Variants in SMIM31 observed in about 807,000 individuals in gnomAD.
The protein encoded by SMIM31 is small integral membrane protein 31.
At chr4:164,791,389 G>T (rs7681632) in intron 2 of SMIM31, among the ~76,000 whole-genome samples, 110,618 of 151,992 alleles carry the variant, frequency 0.73, 40,766 homozygotes, top group Non-Finnish European at 0.8. Flanking sequence ...CTGGACTGCA[G>T]TGGTGCGATC....
intron 2 of SMIM31, among the ~76,000 whole-genome samples, chr4:164,783,561 C>T (rs549358599): frequency 3.8e-4 from 52 of 138,032 alleles, no homozygotes; most frequent in African/African-American, 1.6e-3. Context: ...AATTTCCATT[C>T]CATTTCTAAA....
chr4:164,761,251 T>C (rs996456050), intron 1 of SMIM31, among the ~76,000 whole-genome samples: 1 of 152,188 alleles, frequency 6.6e-6, no homozygotes, highest in African/African-American at 2.4e-5. Flanking sequence ...CTTTCTACTA[T>C]GAAGAAGTAA....
rs768791503 is a variant in SMIM31 at position 164,801,525 on chromosome 4, C to T, written c.*331C>T. Reference sequence around the variant, plus strand: ...ATGTGTTACAATTTGGTAAGATAAACAAACAAACAAAAAATTTAATCACTT... The same window carrying T: ...ATGTGTTACAATTTGGTAAGATAAATAAACAAACAAAAAATTTAATCACTT... On this transcript the variant is annotated 3_prime_UTR_variant, in exon 3 of 3. Coordinates refer to ENST00000507311, the MANE Select transcript of SMIM31 (RefSeq NM_001352885.1). 54 of 182,018 alleles carry T rather than the reference C, an allele frequency of 3.0e-4. No homozygotes were observed. The highest frequency in any genetic ancestry group is 4.0e-4 in the South Asian group (2 of 5,062). 11.3% of individuals were successfully genotyped at this position (182,018 alleles called of 1,614,324 possible). A position where few individuals can be genotyped will look rare whatever the true frequency, so the allele number is the denominator to read the frequency against.
chr4:164,778,625 T>A (rs1212809830), intron 2 of SMIM31, among the ~76,000 whole-genome samples: 1 of 152,140 alleles, frequency 6.6e-6, no homozygotes, highest in Admixed American at 6.5e-5. Flanking sequence ...ATGACCACAT[T>A]GTAAAGCAGG....
intron 2 of SMIM31, among the ~76,000 whole-genome samples, chr4:164,785,820 GA>G (rs1373205812): frequency 3.4e-4 from 51 of 151,874 alleles, no homozygotes; most frequent in African/African-American, 1.2e-3. Context: ...GAATTTTTAA[GA>G]ATCAGTTTCT....
chr4:164,767,193 C>A (rs1285631678), intron 1 of SMIM31, among the ~76,000 whole-genome samples: 1 of 152,022 alleles, frequency 6.6e-6, no homozygotes, highest in Non-Finnish European at 1.5e-5. Context: ...TCATTCCCTT[C>A]GTGATGCTAA....
At chr4:164,789,195 G>A (rs1384118859) in intron 2 of SMIM31, among the ~76,000 whole-genome samples, 5 of 152,164 alleles carry the variant, frequency 3.3e-5, no homozygotes, top group African/African-American at 1.2e-4. Context: ...AATGTTTGCG[G>A]ATTCCATAGA....
rs760923158 is a variant in SMIM31, at chr4:164,758,099, T to C, written c.-26+3688T>C. ...GAAGTGTTTTGTAGTTTTAAGTGTA[T>C]ATATCTTCTCTATTTTTGTTAATTT... On this transcript the variant is annotated intron_variant, in intron 1 of 2. Coordinates refer to ENST00000507311, the MANE Select transcript of SMIM31 (RefSeq NM_001352885.1). Among the ~76,000 whole-genome samples the C allele has an allele frequency of 2.8e-4, 43 of 152,264 alleles. 1 individual carries two copies. The Middle Eastern group carries it at 0.014, about 48-fold the overall frequency.
chr4:164,787,116 T>C (rs1344831707), intron 2 of SMIM31, among the ~76,000 whole-genome samples: 2 of 152,222 alleles, frequency 1.3e-5, no homozygotes, highest in Admixed American at 6.5e-5. Context: ...TTCAATCTCC[T>C]TTTTTATATC....
chr4:164,756,749 TTGTA>T (rs1211167443), intron 1 of SMIM31, among the ~76,000 whole-genome samples: 2 of 152,140 alleles, frequency 1.3e-5, no homozygotes, highest in Admixed American at 1.3e-4. Context: ...TTCATTTGTC[TTGTA>T]TGTATCACAA....
intron 1 of SMIM31, among the ~76,000 whole-genome samples, chr4:164,769,716 G>A (rs1009126462): frequency 6.1e-5 from 9 of 147,824 alleles, no homozygotes; most frequent in East Asian, 6.0e-4. Flanking sequence ...TGCACGTTGT[G>A]CACATGTACC....
chr4:164,786,720 G>A (rs4355353), intron 2 of SMIM31, among the ~76,000 whole-genome samples: 93,191 of 151,982 alleles, frequency 0.61, 29,663 homozygotes, highest in African/African-American at 0.79. Flanking sequence ...CCAAGCCAAT[G>A]AAGCCGGATT....
At position 164,758,630 on chromosome 4, in the gene SMIM31, G is replaced by GTTTTTTTTTTTTTT. The variant is rs1210607914; in HGVS notation, c.-26+4227_-26+4240dup. On this transcript the variant is annotated intron_variant, in intron 1 of 2. Coordinates refer to ENST00000507311, the MANE Select transcript of SMIM31 (RefSeq NM_001352885.1). Reference sequence around the variant, plus strand: ...CCATATATGTAGTTTTCCTTTTTTTGTTTTTTTTTTTTTTTTTTTTTGAGA... The same window carrying GTTTTTTTTTTTTTT: ...CCATATATGTAGTTTTCCTTTTTTTGTTTTTTTTTTTTTTTTTTTTTTTTTTTTTTTTTTTGAGA... Among the ~76,000 whole-genome samples, 8 of 96,640 alleles carry GTTTTTTTTTTTTTT rather than the reference G, an allele frequency of 8.3e-5. 1 individual carries two copies. The highest frequency in any genetic ancestry group is 3.1e-4 in the East Asian group (1 of 3,206). The allele number at this position is 96,640 out of a possible 152,430, so 63.4% of individuals were successfully genotyped here.
At chr4:164,797,738 C>T (rs566384766) in intron 2 of SMIM31, among the ~76,000 whole-genome samples, 10 of 152,244 alleles carry the variant, frequency 6.6e-5, no homozygotes, top group Admixed American at 1.3e-4. Context: ...GCTGGGATTA[C>T]AGGTGTGAGC....
intron 2 of SMIM31, among the ~76,000 whole-genome samples, chr4:164,783,438 C>T (rs1304896300): frequency 2.0e-5 from 3 of 150,426 alleles, no homozygotes; most frequent in Admixed American, 6.7e-5. Flanking sequence ...GCAGGAGACT[C>T]GCTTGAACAC....
chr4:164,779,382 C>T (rs1428232585), intron 2 of SMIM31, among the ~76,000 whole-genome samples: 1 of 152,210 alleles, frequency 6.6e-6, no homozygotes, highest in Non-Finnish European at 1.5e-5. Context: ...TGTCTGGATC[C>T]TGAATTGGAA....
chr4:164,778,352 G>C (rs570178260), intron 2 of SMIM31, among the ~76,000 whole-genome samples: 86 of 152,114 alleles, frequency 5.7e-4, no homozygotes, highest in Admixed American at 1.1e-3. Flanking sequence ...ATTTTGCAAT[G>C]CCACCTCATT....
chr4:164,761,466 A>G (rs141482136), intron 1 of SMIM31, among the ~76,000 whole-genome samples: 17 of 152,318 alleles, frequency 1.1e-4, no homozygotes, highest in African/African-American at 4.1e-4. Context: ...ACTGTTTCAC[A>G]TTATAAAAGA....
chr4:164,778,578 C>T (rs1399095512), intron 2 of SMIM31, among the ~76,000 whole-genome samples: 1 of 152,154 alleles, frequency 6.6e-6, no homozygotes, highest in Non-Finnish European at 1.5e-5. Context: ...TCACTGTCTG[C>T]CAAGCACTTA....
Sources: gnomAD v4.1 joint callset for allele counts (sites outside exome capture counted in the v4.1 genomes callset) on GRCh38, gnomAD v4.1.1 for gene constraint, MANE v1.5 for transcripts, NCBI Gene and HGNC (gene_info 2026-07-23, HGNC 2026-07-21) for gene names.